SDK1: variants seen among roughly 807,000 people sequenced by gnomAD.
SDK1 encodes protein sidekick-1.
Under a neutral mutation model 245.5 loss-of-function variants are expected in SDK1, and 157 were observed. The observed-to-expected ratio is 0.64, with a 90% confidence interval of 0.56 to 0.73. SDK1 has a LOEUF of 0.73. Ranked by LOEUF, SDK1 falls within the 30% of genes least tolerant of loss-of-function variation. The pLI, the probability that SDK1 is intolerant of heterozygous loss-of-function variation, is 0.00. For synonymous variants in SDK1, 1,647 were observed against 1,278.5 expected (o/e 1.29, Z -6.15); for missense variants, 3,583 against 3,002.3 (o/e 1.19, Z -4.52).
intron 1 of SDK1, among the ~76,000 whole-genome samples, chr7:3,526,685 TTTTTCTTCATGCC>T: frequency 6.6e-6 from 1 of 152,308 alleles, no homozygotes; most frequent in Non-Finnish European, 1.5e-5. Flanking sequence ...TTTTGTCAAG[TTTTTCTTCATGCC>T]ATCAATCTGT....
intron 1 of SDK1, among the ~76,000 whole-genome samples, chr7:3,304,534 T>G (rs1779367467): frequency 6.6e-6 from 1 of 152,210 alleles, no homozygotes. Context: ...AATGTTCTTG[T>G]CCATGGGGCT....
At chr7:3,988,132 GTTTTT>G (rs71032919) in intron 14 of SDK1, among the ~76,000 whole-genome samples, 2 of 85,416 alleles carry the variant, frequency 2.3e-5, no homozygotes, top group African/African-American at 4.5e-5. Flanking sequence ...TCTTTTTAAT[GTTTTT>G]TTTTTTTTTT....
At position 3,637,731 on chromosome 7, in the gene SDK1, GA is replaced by G. The variant is rs957501975; in HGVS notation, c.459-1271del. On this transcript the variant is annotated intron_variant, in intron 2 of 44. Coordinates refer to ENST00000404826, the MANE Select transcript of SDK1 (RefSeq NM_152744.4). ...TGAAGGATGATTACTTACAGTTACA[GA>G]AGTGGAAAATCCAAAGGAAATGACT... Among the ~76,000 whole-genome samples the G allele has an allele frequency of 1.7e-3, 258 of 152,348 alleles. 2 individuals are homozygous for G. Among genetic ancestry groups the G allele is most frequent in the African/African-American group, 5.9e-3 (247 of 41,588 alleles).
chr7:4,121,804 C>G (rs62438182), intron 25 of SDK1, among the ~76,000 whole-genome samples: 1,622 of 152,172 alleles, frequency 0.011, 16 homozygotes, highest in Middle Eastern at 0.017. Flanking sequence ...TTATTACATT[C>G]TTTCTTATTT....
intron 1 of SDK1, among the ~76,000 whole-genome samples, chr7:3,364,291 A>T (rs1245833849): frequency 3.3e-5 from 5 of 152,260 alleles, no homozygotes; most frequent in African/African-American, 9.6e-5. Flanking sequence ...AATTTTGATG[A>T]AGTCAGATTG....
At chr7:3,504,846 C>T (rs1354609390) in intron 1 of SDK1, among the ~76,000 whole-genome samples, 1 of 151,594 alleles carries the variant, frequency 6.6e-6, no homozygotes, top group Non-Finnish European at 1.5e-5. Flanking sequence ...GGAAAACAGC[C>T]TGGCAGTTCC....
intron 22 of SDK1, among the ~76,000 whole-genome samples, chr7:4,081,612 G>A (rs541844005): frequency 6.6e-6 from 1 of 151,914 alleles, no homozygotes; most frequent in Admixed American, 6.6e-5. Flanking sequence ...TAGAGACGGG[G>A]TTTCACCATG....
At position 3,301,758 on chromosome 7, in the gene SDK1, T is replaced by C. The variant is rs10228086; in HGVS notation, c.172T>C (p.Ser58Pro). 0.74 allele frequency: 726,054 copies of C among 984,624 alleles called. 268,685 individuals carry two copies. Among genetic ancestry groups the C allele is most frequent in the African/African-American group, 0.88 (49,568 of 56,572 alleles). 61.0% of individuals were successfully genotyped at this position (984,624 alleles called of 1,614,324 possible). Residue 58 changes from serine to proline, a missense_variant, in exon 1 of 45, where the codon TCC becomes CCC. Physicochemically the swap from Ser to Pro is moderately conservative, Grantham distance 74. Coordinates refer to ENST00000404826, the MANE Select transcript of SDK1 (RefSeq NM_152744.4). Reference protein sequence around the residue: ...PSRPRAAPETSGGDTAGAGRC... With the variant: ...PSRPRAAPETPGGDTAGAGRC... ...GCGACCCCGGGCGGCGCCCGAGACC[T>C]CCGGCGGGGACACGGCGGGCGCGGG...
intron 35 of SDK1, among the ~76,000 whole-genome samples, chr7:4,184,476 C>CA: frequency 6.6e-6 from 1 of 152,274 alleles, no homozygotes; most frequent in East Asian, 1.9e-4. Flanking sequence ...CCAGAATGTA[C>CA]CTGGCCCGGG....
rs188770057 is a variant in SDK1 at position 3,468,864 on chromosome 7, T to C, written c.299-150216T>C. ...TAATAAATTGGGATGCGATTTCTCCTATTCATTGTCCTCTCATCAGTGATT... is the reference window on the plus strand; with the variant it reads ...TAATAAATTGGGATGCGATTTCTCCCATTCATTGTCCTCTCATCAGTGATT... On this transcript the variant is annotated intron_variant, in intron 1 of 44. Transcript: ENST00000404826. Among the ~76,000 whole-genome samples, 6 of 152,346 alleles carry C rather than the reference T, an allele frequency of 3.9e-5. No homozygotes were observed. In the East Asian group the frequency reaches 1.2e-3, roughly 29 times the overall value.
In SDK1 at chr7:3,816,430, C is replaced by T. The variant is rs574823240; in HGVS notation, c.714-5020C>T. 1.1e-4 allele frequency among the ~76,000 whole-genome samples: 16 copies of T among 149,226 alleles called. No homozygotes were observed. In the East Asian group the frequency reaches 3.1e-3, roughly 29 times the overall value. On this transcript the variant is annotated intron_variant, in intron 4 of 44. Transcript: ENST00000404826. ...AAAGGGGATATCACCACCGATCCCA[C>T]AGAAATACAAACTACCATCAGAGAA...
chr7:4,226,380 G>A (rs1032480045), intron 40 of SDK1, among the ~76,000 whole-genome samples: 2 of 152,224 alleles, frequency 1.3e-5, no homozygotes, highest in African/African-American at 4.8e-5. Flanking sequence ...ACACTCATCA[G>A]CTTTGTTGCT....
chr7:3,376,105 G>A, intron 1 of SDK1, among the ~76,000 whole-genome samples: 1 of 152,160 alleles, frequency 6.6e-6, no homozygotes, highest in East Asian at 1.9e-4. Flanking sequence ...GCTGAGGTAG[G>A]AGGATTGCTT....
chr7:3,446,423 A>G (rs1257311563), intron 1 of SDK1, among the ~76,000 whole-genome samples: 1 of 152,160 alleles, frequency 6.6e-6, no homozygotes, highest in Admixed American at 6.5e-5. Flanking sequence ...AGACAATCTT[A>G]TAGTTGATAA....
intron 1 of SDK1, among the ~76,000 whole-genome samples, chr7:3,333,272 A>G (rs1397188699): frequency 6.6e-6 from 1 of 152,126 alleles, no homozygotes; most frequent in Non-Finnish European, 1.5e-5. Flanking sequence ...AACTTTTGGA[A>G]TGTCTGCAAT....
intron 8 of SDK1, among the ~76,000 whole-genome samples, chr7:3,961,311 G>A (rs1371101535): frequency 6.6e-6 from 1 of 152,166 alleles, no homozygotes; most frequent in Non-Finnish European, 1.5e-5. Flanking sequence ...CTGACTTAAT[G>A]AAAAGTGACA....
chr7:3,541,415 A>C (rs979643040), intron 1 of SDK1, among the ~76,000 whole-genome samples: 1 of 152,172 alleles, frequency 6.6e-6, no homozygotes, highest in Non-Finnish European at 1.5e-5. Flanking sequence ...CCATGCCTCT[A>C]TGCCTTTCTC....
At chr7:4,097,027 C>T (rs1382047413) in intron 22 of SDK1, among the ~76,000 whole-genome samples, 1 of 152,238 alleles carries the variant, frequency 6.6e-6, no homozygotes, top group Non-Finnish European at 1.5e-5. Flanking sequence ...GCAAATGCAG[C>T]AGTCCCCAGC....
At chr7:4,190,180 C>G (rs1783110383) in intron 35 of SDK1, among the ~76,000 whole-genome samples, 1 of 152,234 alleles carries the variant, frequency 6.6e-6, no homozygotes. Context: ...ACAGGCTGCA[C>G]TGTCTCATCA....
Sources: allele counts gnomAD v4.1 joint callset (sites outside exome capture counted in the v4.1 genomes callset), GRCh38; gene constraint gnomAD v4.1.1; transcripts MANE v1.5; gene names NCBI Gene and HGNC (gene_info 2026-07-23, HGNC 2026-07-21).